Variants in SFXN4 observed in about 807,000 individuals in gnomAD.
SFXN4 encodes sideroflexin 4.
Under a neutral mutation model 54.6 loss-of-function variants are expected in SFXN4, and 48 were observed. The observed-to-expected ratio is 0.88, with a 90% CI of 0.70 to 1.12. The LOEUF is 1.12. Among genes scored for constraint, SFXN4 ranks in the 50% most tolerant of loss-of-function variants. SFXN4 has a pLI of 0.00. For synonymous variants in SFXN4, 130 were observed against 145.5 expected (o/e 0.89, Z 0.77); for missense variants, 383 against 409.2 (o/e 0.94, Z 0.55).
chr10:119,149,930 G>A (rs923386702), intron 11 of SFXN4, among the ~76,000 whole-genome samples: 2 of 152,294 alleles, frequency 1.3e-5, no homozygotes, highest in South Asian at 4.1e-4. Flanking sequence ...ATTAGGAGGC[G>A]CTGTGTGCAA....
intron 11 of SFXN4, among the ~76,000 whole-genome samples, chr10:119,151,809 G>A (rs149186974): frequency 2.5e-4 from 38 of 151,496 alleles, no homozygotes; most frequent in African/African-American, 8.0e-4. Flanking sequence ...GAGCCACCGC[G>A]CCTGGCCTAT....
intron 13 of SFXN4, among the ~76,000 whole-genome samples, chr10:119,144,344 C>T (rs940780977): frequency 6.6e-6 from 1 of 152,042 alleles, no homozygotes; most frequent in African/African-American, 2.4e-5. Flanking sequence ...GTAGTCCCAG[C>T]TACTCAGGAG....
chr10:119,165,421 G>A, intron 1 of SFXN4, 116 bp downstream of exon 1: 1 of 1,342,226 alleles, frequency 7.5e-7, no homozygotes, highest in Non-Finnish European at 9.5e-7. Context: ...CCGAGAGGAG[G>A]AAACGGAGAC....
intron 2 of SFXN4, among the ~76,000 whole-genome samples, chr10:119,163,314 G>A (rs1460327503): frequency 6.6e-6 from 1 of 151,874 alleles, no homozygotes; most frequent in East Asian, 1.9e-4. Context: ...CCATCACGTG[G>A]AAGATTTGTT....
At chr10:119,153,943 C>T (rs1487508531) in intron 11 of SFXN4, among the ~76,000 whole-genome samples, 1 of 152,030 alleles carries the variant, frequency 6.6e-6, no homozygotes, top group Non-Finnish European at 1.5e-5. Context: ...GTTGGGAGGC[C>T]GAGGCGGGCG....
At position 119,158,006 on chromosome 10, in the gene SFXN4, T is replaced by C. The variant is rs780496630; in HGVS notation, c.414+3A>G. Reference sequence around the variant, plus strand: ...GTAATCGTGAAACAGGAAGAATGGCTACCTGAGGTAAAATCACGGACTTGA... The same window carrying C: ...GTAATCGTGAAACAGGAAGAATGGCCACCTGAGGTAAAATCACGGACTTGA... On this transcript the variant is annotated splice_donor_region_variant and intron_variant, in intron 7 of 13. Coordinates refer to ENST00000355697, the MANE Select transcript of SFXN4 (RefSeq NM_213649.2). 1.9e-6 allele frequency: 3 copies of C among 1,614,054 alleles called. No homozygotes were observed. In the African/African-American group the frequency reaches 4.0e-5, roughly 22 times the overall value.
At position 119,158,128 on chromosome 10, in the gene SFXN4, G is replaced by A. The variant is rs748404386; in HGVS notation, c.361-66C>T. The A allele has an allele frequency of 3.0e-4, 435 of 1,454,378 alleles. 1 individual carries two copies. The highest frequency in any genetic ancestry group is 3.6e-5 in the Non-Finnish European group (37 of 1,034,774). The allele number at this position is 1,454,378 out of a possible 1,614,324, so 90.1% of individuals were successfully genotyped here. The stretch of plus-strand genomic sequence containing the variant: ...TGGAAGGAGAACTTGCAGTAGCAAA[G>A]AACTTTCCAGGGGAGAGGGAGAATT... On this transcript the variant is annotated intron_variant, in intron 6 of 13. Transcript: ENST00000355697.
intron 11 of SFXN4, among the ~76,000 whole-genome samples, chr10:119,148,806 T>G (rs1170175872): frequency 6.6e-6 from 1 of 152,212 alleles, no homozygotes; most frequent in Non-Finnish European, 1.5e-5. Context: ...CAAAACCATG[T>G]ACCCTCAAGG....
intron 11 of SFXN4, among the ~76,000 whole-genome samples, chr10:119,153,047 GA>G (rs2133595856): frequency 6.6e-6 from 1 of 152,272 alleles, no homozygotes; most frequent in East Asian, 1.9e-4. Flanking sequence ...CACCCAAAAT[GA>G]AAAGACCATA....
chr10:119,158,130 A>C, intron 6 of SFXN4, 68 bp from the exon 7 acceptor site: 2 of 1,444,212 alleles, frequency 1.4e-6, no homozygotes, highest in Non-Finnish European at 2.0e-6. Flanking sequence ...GTAGCAAAGA[A>C]CTTTCCAGGG....
At chr10:119,162,138 C>T (rs1847576169) in intron 3 of SFXN4, 6 of 551,048 alleles carry the variant, frequency 1.1e-5, no homozygotes, top group Non-Finnish European at 1.9e-5. Flanking sequence ...AAAAAACTAA[C>T]CCAGTTTTGC....
At chr10:119,149,904 C>G (rs933603592) in intron 11 of SFXN4, among the ~76,000 whole-genome samples, 1 of 152,166 alleles carries the variant, frequency 6.6e-6, no homozygotes, top group Non-Finnish European at 1.5e-5. Flanking sequence ...GAGGACACTC[C>G]AAGTGAGACG....
intron 11 of SFXN4, among the ~76,000 whole-genome samples, chr10:119,149,123 G>C (rs138404055): frequency 3.9e-5 from 6 of 152,052 alleles, no homozygotes; most frequent in Non-Finnish European, 7.4e-5. Flanking sequence ...CTGGCCTCAC[G>C]CAATCCTCCT....
At chr10:119,161,569 A>G (rs150101077) in intron 3 of SFXN4, among the ~76,000 whole-genome samples, 338 of 152,322 alleles carry the variant, frequency 2.2e-3, no homozygotes, top group African/African-American at 7.8e-3. Context: ...CATTGACAGA[A>G]CAAATCAAAA....
intron 1 of SFXN4, chr10:119,165,288 CTCCGAGAGGGCAATCTGGA>C (rs777168112): frequency 2.1e-5 from 26 of 1,229,982 alleles, no homozygotes; most frequent in African/African-American, 3.2e-5. Context: ...GACTGGGCCC[CTCCGAGAGGGCAATCTGGA>C]GGGTGACGTT....
chr10:119,163,118 AAAAT>A, intron 2 of SFXN4, among the ~76,000 whole-genome samples: 2 of 152,310 alleles, frequency 1.3e-5, no homozygotes, highest in Middle Eastern at 6.8e-3. Context: ...AATTTGAGAA[AAAAT>A]AAATACAAAA....
At chr10:119,165,384 C>A in intron 1 of SFXN4, 153 bp downstream of exon 1, 4 of 1,331,952 alleles carry the variant, frequency 3.0e-6, no homozygotes, top group African/African-American at 1.6e-5. Context: ...GGGGTGAAGG[C>A]CGGTGGTGCG....
intron 3 of SFXN4, among the ~76,000 whole-genome samples, chr10:119,161,436 A>ACAAAAAAAAAAAAAAAAAC (rs1847532027): frequency 1.0e-4 from 12 of 118,496 alleles, no homozygotes; most frequent in Admixed American, 3.6e-4. Context: ...ACAAAAAAAA[A>ACAAAAAAAAAAAAAAAAAC]CAAAAAAAAA....
chr10:119,152,166 G>T (rs75843417), intron 11 of SFXN4, among the ~76,000 whole-genome samples: 2,229 of 151,230 alleles, frequency 0.015, 64 homozygotes, highest in East Asian at 0.086. Flanking sequence ...TTACAAATGG[G>T]TAAATTTTAC....
Sources: allele counts gnomAD v4.1 joint callset (sites outside exome capture counted in the v4.1 genomes callset), GRCh38; gene constraint gnomAD v4.1.1; transcripts MANE v1.5; gene names NCBI Gene and HGNC (gene_info 2026-07-23, HGNC 2026-07-21).